Variants in NMT2 observed in about 807,000 individuals in gnomAD.
NMT2 encodes glycylpeptide N-tetradecanoyltransferase 2.
Under a neutral mutation model 65.4 loss-of-function variants are expected in NMT2, and 35 were observed. That is an observed-to-expected ratio of 0.54 (90% CI 0.41 to 0.71). The LOEUF is 0.71. Ranked by LOEUF, NMT2 falls within the 30% of genes least tolerant of loss-of-function variation. NMT2 has a pLI of 0.00. For synonymous variants in NMT2, 226 were observed against 231.8 expected, an observed-to-expected ratio of 0.98 and a Z score of 0.23; for missense variants, 489 against 611.3, an observed-to-expected ratio of 0.80 and a Z score of 2.11.
At chr10:15,137,299 T>G (rs1428146779) in intron 2 of NMT2, among the ~76,000 whole-genome samples, 1 of 152,124 alleles carries the variant, frequency 6.6e-6, no homozygotes, top group Non-Finnish European at 1.5e-5. Flanking sequence ...TTGTCTCTGC[T>G]TGGAAGTCTC....
intron 10 of NMT2, among the ~76,000 whole-genome samples, chr10:15,111,531 A>AG (rs1845516501): frequency 6.6e-6 from 1 of 150,486 alleles, no homozygotes; most frequent in Admixed American, 6.6e-5. Flanking sequence ...AAAAAAAAAA[A>AG]GTATAAAAAA....
At chr10:15,141,363 C>A (rs927540953) in intron 2 of NMT2, 59 bp downstream of exon 2, 6 of 1,603,218 alleles carry the variant, frequency 3.7e-6, no homozygotes, top group Non-Finnish European at 5.1e-6. Context: ...CGCTAAACTG[C>A]GTAAACCCAC....
At chr10:15,148,065 T>C (rs1453170856) in intron 1 of NMT2, among the ~76,000 whole-genome samples, 1 of 152,224 alleles carries the variant, frequency 6.6e-6, no homozygotes. Flanking sequence ...GACAACATTA[T>C]ATTCTGGCCA....
chr10:15,119,954 G>C (rs184894363), intron 8 of NMT2, among the ~76,000 whole-genome samples: 2 of 152,180 alleles, frequency 1.3e-5, no homozygotes, highest in African/African-American at 4.8e-5. Context: ...CTGGAGTACA[G>C]GCAGCCCTCC....
intron 10 of NMT2, among the ~76,000 whole-genome samples, chr10:15,112,187 TA>T: frequency 9.7e-5 from 1 of 10,306 alleles, no homozygotes; most frequent in South Asian, 2.5e-3. Flanking sequence ...TATATATATA[TA>T]TATATATATA....
chr10:15,121,027 T>C (rs74607609), intron 8 of NMT2, among the ~76,000 whole-genome samples: 1 of 152,326 alleles, frequency 6.6e-6, no homozygotes, highest in East Asian at 1.9e-4. Context: ...TAAAAGCTCC[T>C]GACATCACTT....
intron 1 of NMT2, among the ~76,000 whole-genome samples, chr10:15,153,993 C>T (rs536990758): frequency 2.6e-5 from 4 of 152,140 alleles, no homozygotes; most frequent in Non-Finnish European, 4.4e-5. Flanking sequence ...GGTTGAGCTG[C>T]GTGGGCTCCA....
At chr10:15,133,213 G>A (rs764216501) in intron 4 of NMT2, 32 bp downstream of exon 4, 11 of 1,598,134 alleles carry the variant, frequency 6.9e-6, no homozygotes, top group Middle Eastern at 1.7e-4. Context: ...GTGAATGCAG[G>A]AGTTGAATTT....
Position 15,135,287 on chromosome 10 carries a change from C to T in NMT2, c.378G>A (p.Pro126=), listed in dbSNP as rs777341889. ...AGAAAAACTTACCTAGTTTTGGTACCGGTTGTGTGTCCCAAAACTGGTATC... is the reference window on the plus strand; with the variant it reads ...AGAAAAACTTACCTAGTTTTGGTACTGGTTGTGTGTCCCAAAACTGGTATC... ...KHRYQFWDTQ[P]VPKLDEVITS... is the part of the protein sequence containing the mutation. Residue 126 remains proline, a synonymous_variant, in exon 3 of 12, where the codon CCG becomes CCA. Transcript: ENST00000378165. 1.4e-5 allele frequency: 23 copies of T among 1,613,768 alleles called. No homozygotes were observed. The highest frequency in any genetic ancestry group is 6.7e-5 in the East Asian group (3 of 44,896).
At chr10:15,143,909 A>C (rs1846866001) in intron 1 of NMT2, among the ~76,000 whole-genome samples, 1 of 152,210 alleles carries the variant, frequency 6.6e-6, no homozygotes, top group African/African-American at 2.4e-5. Flanking sequence ...TAAAACAGAT[A>C]AACTCATGGA....
At position 15,128,435 on chromosome 10, in the gene NMT2, G is replaced by T; in HGVS notation, c.914C>A (p.Pro305His). ...TCRYWHRSLN[P>H]RKLVEVKFSH... ...AAATTTCACTTCTACCAATTTTCTG[G>T]GGTTTAGTGATCGATGCCAGTATCT... The change falls in exon 8 of 12, where the codon CCC (proline) becomes CAC (histidine). Residue 305 changes from proline (P) to histidine (H), a missense_variant. Transcript: ENST00000378165. 6.2e-7 allele frequency: 1 copy of T among 1,607,336 alleles called. No individual in the cohort carries two copies. Among genetic ancestry groups the T allele is most frequent in the South Asian group, 1.1e-5 (1 of 90,832 alleles).
chr10:15,111,815 A>G (rs759184159), intron 10 of NMT2: 2 of 151,480 alleles, frequency 1.3e-5, no homozygotes, highest in Non-Finnish European at 2.9e-5. Context: ...ATTTTATTTT[A>G]ATTAATTAAT....
intron 10 of NMT2, among the ~76,000 whole-genome samples, chr10:15,112,172 CTTTATA>C (rs1287911344): frequency 4.0e-5 from 2 of 49,994 alleles, no homozygotes; most frequent in African/African-American, 7.7e-5. Context: ...AAGATATGGG[CTTTATA>C]TATATATATA....
At chr10:15,161,595 GGT>G (rs1323403613) in intron 1 of NMT2, among the ~76,000 whole-genome samples, 1 of 152,038 alleles carries the variant, frequency 6.6e-6, no homozygotes, top group African/African-American at 2.4e-5. Flanking sequence ...CCTGACCTCA[GGT>G]GATCCGCCCA....
chr10:15,162,370 G>T lies in NMT2; in HGVS notation c.110+6133C>A, dbSNP rs546904307. 2.2e-3 allele frequency among the ~76,000 whole-genome samples: 339 copies of T among 151,636 alleles called. 1 individual carries two copies. Among genetic ancestry groups the T allele is most frequent in the African/African-American group, 7.7e-3 (319 of 41,306 alleles). Reference sequence around the variant, plus strand: ...ACAGAAATTTTTGAGTACCAAGAAAGCTTATAAACAAAATTCAAAGACTGA... The same window carrying T: ...ACAGAAATTTTTGAGTACCAAGAAATCTTATAAACAAAATTCAAAGACTGA... On this transcript the variant is annotated intron_variant, in intron 1 of 11. Transcript: ENST00000378165.
rs1409466527 is a variant in NMT2, at chr10:15,136,544, T to C, written c.247-1126A>G. On this transcript the variant is annotated intron_variant, in intron 2 of 11. Transcript: ENST00000378165. ...ATCTGAACTCAGTGCTGAACTGGGATGAAAATGATCAAGAAAAGAAATCTC... is the reference window on the plus strand; with the variant it reads ...ATCTGAACTCAGTGCTGAACTGGGACGAAAATGATCAAGAAAAGAAATCTC... Among the ~76,000 whole-genome samples, 3 of 151,796 alleles carry C rather than the reference T, an allele frequency of 2.0e-5. No individual in the cohort carries two copies. In the East Asian group the frequency reaches 5.8e-4, roughly 30 times the overall value.
At chr10:15,130,108 G>A (rs754509976) in intron 7 of NMT2, 34 bp downstream of exon 7, 2 of 1,409,532 alleles carry the variant, frequency 1.4e-6, no homozygotes, top group South Asian at 1.9e-5. Context: ...TTTTGATAAA[G>A]GGAGGACCTG....
chr10:15,133,395 G>A (rs774754348), intron 3 of NMT2, 32 bp from the exon 4 acceptor site: 85 of 1,503,862 alleles, frequency 5.7e-5, no homozygotes, highest in Non-Finnish European at 7.4e-5. Flanking sequence ...AAAAAGAAAG[G>A]CAAAAAGCGA....
chr10:15,142,739 T>C (rs902950884), intron 1 of NMT2, among the ~76,000 whole-genome samples: 4 of 152,176 alleles, frequency 2.6e-5, no homozygotes, highest in Admixed American at 2.0e-4. Context: ...AGAATCAAAT[T>C]TGTGCTATCA....
Sources: gnomAD v4.1 joint callset for allele counts (sites outside exome capture counted in the v4.1 genomes callset) on GRCh38, gnomAD v4.1.1 for gene constraint, MANE v1.5 for transcripts, NCBI Gene and HGNC (gene_info 2026-07-23, HGNC 2026-07-21) for gene names.